NSUN4: variants seen among roughly 807,000 people sequenced by gnomAD.
The protein encoded by NSUN4 is NOP2/Sun RNA methyltransferase 4.
In NSUN4, 31 loss-of-function variants were observed where a neutral mutation model predicts 43.8. The ratio of observed to expected loss-of-function variants is 0.71; its 90% confidence interval spans 0.53 to 0.96. The LOEUF is 0.96. NSUN4 is among the 40% of genes least tolerant of loss of function. The pLI, the probability that NSUN4 is intolerant of heterozygous loss-of-function variation, is 0.00. For synonymous variants in NSUN4, 167 were observed against 184.1 expected (o/e 0.91, Z 0.75); for missense variants, 439 against 475.6 (o/e 0.92, Z 0.72).
At chr1:46,377,251 T>C in the NSUN4 span, among the ~76,000 whole-genome samples, 1 of 152,198 alleles carries the variant, frequency 6.6e-6, no homozygotes, top group Non-Finnish European at 1.5e-5. Context: ...GGTTTCACCA[T>C]GTTGGCCAGG....
At chr1:46,347,299 G>A (rs949630656) in intron 3 of NSUN4, among the ~76,000 whole-genome samples, 1 of 152,162 alleles carries the variant, frequency 6.6e-6, no homozygotes, top group Non-Finnish European at 1.5e-5. Context: ...TTAGCTGGGT[G>A]TGGTGGTGCA....
At chr1:46,341,290 A>G (rs967891937) in intron 1 of NSUN4, 116 of 918,722 alleles carry the variant, frequency 1.3e-4, no homozygotes, top group Non-Finnish European at 1.4e-4. Context: ...TTCTTCCCCC[A>G]CATGACTTCT....
downstream of NSUN4, among the ~76,000 whole-genome samples, chr1:46,365,550 C>T (rs1664115544): frequency 6.6e-6 from 1 of 152,050 alleles, no homozygotes; most frequent in African/African-American, 2.4e-5. Context: ...CCATGTTGGC[C>T]AGGCTGGTCT....
At position 46,361,834 on chromosome 1, in the gene NSUN4, T is replaced by G; in HGVS notation, c.1143T>G (p.Arg381=). 1 of 1,613,878 alleles carries G rather than the reference T, an allele frequency of 6.2e-7. No individual in the cohort carries two copies. Among genetic ancestry groups the G allele is most frequent in the Non-Finnish European group, 8.5e-7 (1 of 1,179,856 alleles). ...GCCCCATGTACTTCTGCAAAATGCGTAGGCTGACATAGTATCACCCAATCC... is the reference window on the plus strand; with the variant it reads ...GCCCCATGTACTTCTGCAAAATGCGGAGGCTGACATAGTATCACCCAATCC... The part of the protein sequence containing the change: ...NFGPMYFCKM[R]RLT Residue 381 remains arginine (R), a synonymous_variant, in exon 6 of 6, where the codon CGT becomes CGG. Coordinates refer to ENST00000474844, the MANE Select transcript of NSUN4 (RefSeq NM_199044.4).
chr1:46,375,799 G>A, the NSUN4 span, among the ~76,000 whole-genome samples: 3 of 140,238 alleles, frequency 2.1e-5, no homozygotes, highest in African/African-American at 5.3e-5. Flanking sequence ...TATATTAAAA[G>A]AATAGTAGTA....
chr1:46,340,947 G>GA, intron 1 of NSUN4, 28 bp downstream of exon 1: 1 of 1,580,858 alleles, frequency 6.3e-7, no homozygotes, highest in Non-Finnish European at 8.6e-7. Flanking sequence ...GCGCAGGAGG[G>GA]AAAAGTGAGG....
the NSUN4 span, among the ~76,000 whole-genome samples, chr1:46,375,435 C>CAA: frequency 0.14 from 16,287 of 119,484 alleles, 1,254 homozygotes; most frequent in South Asian, 0.43. Flanking sequence ...AACTCGTTCT[C>CAA]AAAAAAAAAA....
rs181145390 is a variant in NSUN4 at position 46,352,025 on chromosome 1, G to A, written c.593-843G>A. 2.0e-3 allele frequency among the ~76,000 whole-genome samples: 306 copies of A among 151,464 alleles called. No individual in the cohort carries two copies. The Middle Eastern group carries it at 0.037, about 19-fold the overall frequency. On this transcript the variant is annotated intron_variant, in intron 3 of 5. Transcript: ENST00000474844. ...TTTATTTTTGTAGAAATGAGGTATCGCTATGTTGCCCAGGCTGGTCTTGAA... is the reference window on the plus strand; with the variant it reads ...TTTATTTTTGTAGAAATGAGGTATCACTATGTTGCCCAGGCTGGTCTTGAA...
At chr1:46,376,407 TAA>T in the NSUN4 span, among the ~76,000 whole-genome samples, 26 of 137,414 alleles carry the variant, frequency 1.9e-4, no homozygotes, top group Non-Finnish European at 2.4e-4. Flanking sequence ...GGACCCTGCA[TAA>T]AAAAAAAAAA....
chr1:46,382,021 T>G, the NSUN4 span, among the ~76,000 whole-genome samples: 3 of 152,218 alleles, frequency 2.0e-5, no homozygotes, highest in Non-Finnish European at 4.4e-5. Context: ...CAGGCTGGGA[T>G]TCTTCCATTA....
the NSUN4 span, among the ~76,000 whole-genome samples, chr1:46,379,278 G>T: frequency 6.6e-6 from 1 of 152,030 alleles, no homozygotes; most frequent in Admixed American, 6.6e-5. Flanking sequence ...CTCCTATGTG[G>T]GGCTGTGAGT....
the NSUN4 span, among the ~76,000 whole-genome samples, chr1:46,379,030 T>C: frequency 1.3e-5 from 2 of 152,198 alleles, no homozygotes; most frequent in Non-Finnish European, 1.5e-5. Flanking sequence ...GGTAGGGAAA[T>C]AGACTCTTCT....
At chr1:46,356,647 C>A (rs549379073) in intron 4 of NSUN4, among the ~76,000 whole-genome samples, 1 of 151,718 alleles carries the variant, frequency 6.6e-6, no homozygotes, top group Non-Finnish European at 1.5e-5. Context: ...GAGCCGAGAT[C>A]GCGCCACTGC....
chr1:46,346,908 T>C lies in NSUN4; in HGVS notation c.438-13T>C. 1 of 1,609,732 alleles carries C rather than the reference T, an allele frequency of 6.2e-7. No individual in the cohort carries two copies. Among genetic ancestry groups the C allele is most frequent in the Non-Finnish European group, 8.5e-7 (1 of 1,177,774 alleles). ...CCTGGAATTTAACAATAAAGTGGTC[T>C]CCTCTTTTCCAGACCTGGCAGCCTG... On this transcript the variant is annotated splice_polypyrimidine_tract_variant and intron_variant, in intron 2 of 5. Coordinates refer to ENST00000474844, the MANE Select transcript of NSUN4 (RefSeq NM_199044.4).
intron 1 of NSUN4, 97 bp from the exon 2 acceptor site, chr1:46,344,703 TG>T: frequency 9.5e-7 from 1 of 1,052,160 alleles, no homozygotes; most frequent in Non-Finnish European, 1.4e-6. Flanking sequence ...GGGCACTAGC[TG>T]GATCCAAGTT....
chr1:46,341,556 T>G, intron 1 of NSUN4: 1 of 1,147,454 alleles, frequency 8.7e-7, no homozygotes. Flanking sequence ...CCCTTTTTCT[T>G]GCCTCACTGG....
chr1:46,359,835 A>G (rs1663685787), intron 4 of NSUN4, among the ~76,000 whole-genome samples: 1 of 151,974 alleles, frequency 6.6e-6, no homozygotes, highest in Non-Finnish European at 1.5e-5. Flanking sequence ...TAACTTTCCT[A>G]TTGGAGTATA....
At chr1:46,360,553 A>G in intron 4 of NSUN4, 151 bp from the exon 5 acceptor site, 1 of 624,804 alleles carries the variant, frequency 1.6e-6, no homozygotes, top group Non-Finnish European at 2.6e-6. Context: ...CTACCAAGTT[A>G]AAATGAAGAA....
chr1:46,371,047 G>A, the NSUN4 span: 1 of 152,370 alleles, frequency 6.6e-6, no homozygotes, highest in Admixed American at 6.5e-5. Context: ...TTAGAGTTAA[G>A]TGACTTGCCC....
Sources: gnomAD v4.1 joint callset for allele counts (sites outside exome capture counted in the v4.1 genomes callset) on GRCh38, gnomAD v4.1.1 for gene constraint, MANE v1.5 for transcripts, NCBI Gene and HGNC (gene_info 2026-07-23, HGNC 2026-07-21) for gene names.